The following PCIF1 variants were observed in gnomAD, a reference collection of about 807,000 sequenced individuals.
PCIF1 encodes the protein mRNA (2'-O-methyladenosine-N(6)-)-methyltransferase.
PCIF1 carries 12 observed loss-of-function variants against 86.9 expected under a neutral mutation model. The observed-to-expected ratio is 0.14, with a 90% CI of 0.09 to 0.22. The LOEUF (loss-of-function observed/expected upper bound fraction) is 0.22. Ranked by LOEUF, PCIF1 falls within the 10% of genes least tolerant of loss-of-function variation. The pLI is 1.00. For missense variants in PCIF1, 701 were observed against 951.1 expected (o/e 0.74, Z 3.46); for synonymous variants, 397 against 372.0 (o/e 1.07, Z -0.77).
In PCIF1 at chr20:45,943,078, C is replaced by T. The variant is rs201864490; in HGVS notation, c.674-19C>T. ...TGCTTGATTAAATCCAGGCCTTCAG[C>T]AGCTCTCCTGTCCTGCAGGCATTGA... On this transcript the variant is annotated intron_variant, in intron 7 of 16. Coordinates refer to ENST00000372409, the MANE Select transcript of PCIF1 (RefSeq NM_022104.4). This position sits in a 1 kb window ranked among gnomAD's most constrained non-coding sequence, Gnocchi z 5.5. 1,848 of 1,610,358 alleles carry T rather than the reference C, an allele frequency of 1.1e-3. 30 individuals are homozygous for T. The South Asian group carries it at 0.014, about 12-fold the overall frequency.
chr20:45,936,411 G>C (rs1281212628), intron 1 of PCIF1, among the ~76,000 whole-genome samples: 2 of 143,738 alleles, frequency 1.4e-5, no homozygotes, highest in East Asian at 4.1e-4. Flanking sequence ...GGATGGTCCC[G>C]ATCTCCTGAC....
chr20:45,946,457 G>A, intron 14 of PCIF1, 73 bp downstream of exon 14: 1 of 1,524,258 alleles, frequency 6.6e-7, no homozygotes, highest in Admixed American at 1.7e-5. Context: ...CGCCTCTGCT[G>A]GCTGTAGTGT....
intron 1 of PCIF1, 119 bp downstream of exon 1, chr20:45,934,923 C>G (rs999536819): frequency 3.5e-5 from 14 of 396,432 alleles, no homozygotes; most frequent in Admixed American, 8.8e-5. Flanking sequence ...TGCCCTGTCT[C>G]TGTTGCCGCC....
At chr20:45,942,554 A>G (rs1376760891) in intron 7 of PCIF1, among the ~76,000 whole-genome samples, 1 of 151,580 alleles carries the variant, frequency 6.6e-6, no homozygotes, top group Non-Finnish European at 1.5e-5. Context: ...ACCTCAGGTG[A>G]TCCACCCATC....
Position 45,947,739 on chromosome 20 carries a change from A to G in PCIF1, c.2099A>G (p.Glu700Gly), listed in dbSNP as rs775264425. ...GGCCGTGAGCAGGGTCCTAGCCGCG[A>G]GCCTCACCCCACTTAACATATCCTG... ...DSGREQGPSREPHPT is the reference protein window; with the variant it reads ...DSGREQGPSRGPHPT Residue 700 changes from glutamate (E) to glycine (G), a missense_variant, in exon 17 of 17, where the codon GAG becomes GGG. Coordinates refer to ENST00000372409, the MANE Select transcript of PCIF1 (RefSeq NM_022104.4). This position sits in a 1 kb window ranked among gnomAD's most constrained non-coding sequence, Gnocchi z 5.4. The G allele has an allele frequency of 6.2e-7, 1 of 1,600,566 alleles. No homozygotes were observed. The highest frequency in any genetic ancestry group is 8.5e-7 in the Non-Finnish European group (1 of 1,172,884).
In PCIF1 at chr20:45,941,126, C is replaced by T. The variant is rs541723930; in HGVS notation, c.592C>T (p.His198Tyr). 4 of 1,614,226 alleles carry T rather than the reference C, an allele frequency of 2.5e-6. No homozygotes were observed. The South Asian group carries it at 3.3e-5, about 13-fold the overall frequency. The change falls in exon 7 of 17, where the codon CAT becomes TAT. Residue 198 changes from histidine (H) to tyrosine (Y), a missense_variant. His to Tyr is a moderately conservative substitution (Grantham distance 83). Around this residue, in one of 7 missense-constraint regions of PCIF1, gnomAD observed 129 missense variants for 245.9 expected, o/e 0.52. Coordinates refer to ENST00000372409, the MANE Select transcript of PCIF1 (RefSeq NM_022104.4). ...HRGPSEVLPP[H>Y]PEVELLRSQL... The stretch of plus-strand genomic sequence containing the variant: ...GGGGCCTTCAGAGGTGCTGCCCCCG[C>T]ATCCCGAAGTGGAACTGCTCCGCTC...
chr20:45,939,814 C>T (rs1463806094), intron 4 of PCIF1, among the ~76,000 whole-genome samples: 2 of 152,120 alleles, frequency 1.3e-5, no homozygotes, highest in East Asian at 1.9e-4. Flanking sequence ...GTCAGTACGA[C>T]GGGAAGTACA....
rs979221783 is a variant in PCIF1 at position 45,939,028 on chromosome 20, G to C, written c.29G>C (p.Arg10Pro). Residue 10 changes from arginine to proline, a missense_variant, in exon 3 of 17, where the codon CGG (arginine) becomes CCG (proline). By Grantham distance (103) the Arg-to-Pro change is moderately radical (BLOSUM62 -2). Coordinates refer to ENST00000372409, the MANE Select transcript of PCIF1 (RefSeq NM_022104.4). MANENHGSP[R>P]EEASLLSHSP... ...GCCAATGAGAATCACGGCAGCCCCC[G>C]GGAGGAAGCGTCCCTGCTGAGTCAC... 3.1e-6 allele frequency: 5 copies of C among 1,614,030 alleles called. No homozygotes were observed. The highest frequency in any genetic ancestry group is 4.2e-6 in the Non-Finnish European group (5 of 1,179,970).
At chr20:45,942,170 T>G (rs2083477057) in intron 7 of PCIF1, among the ~76,000 whole-genome samples, 1 of 148,170 alleles carries the variant, frequency 6.7e-6, no homozygotes, top group Non-Finnish European at 1.5e-5. Context: ...GAGATGGGGT[T>G]TCACCATGTT....
rs1239653186 is a variant in PCIF1, at chr20:45,940,429, T to A, written c.250-46T>A. ...TGAGGATTCAAAGTCCTGTGGCTCC[T>A]AAGCCGCTGGCCCTGGTTGCAACTC... On this transcript the variant is annotated intron_variant, in intron 4 of 16. Transcript: ENST00000372409. 1.9e-6 allele frequency: 3 copies of A among 1,545,466 alleles called. No individual in the cohort carries two copies. In the East Asian group the frequency reaches 7.1e-5, roughly 37 times the overall value.
At position 45,943,464 on chromosome 20, in the gene PCIF1, TA is replaced by T; in HGVS notation, c.905+44del. 6.3e-7 allele frequency: 1 copy of T among 1,582,622 alleles called. No homozygotes were observed. Among genetic ancestry groups the T allele is most frequent in the South Asian group, 1.1e-5 (1 of 90,238 alleles). The stretch of plus-strand genomic sequence containing the variant: ...GCCCCAGGCGAGATGGGTCTGTGAT[TA>T]AAGTGGCAGGTCATAGGCCATCTTG... On this transcript the variant is annotated intron_variant, in intron 9 of 16. Transcript: ENST00000372409. This position sits in a 1 kb window ranked among gnomAD's most constrained non-coding sequence, Gnocchi z 5.5.
In PCIF1 at chr20:45,945,035, G is replaced by A. The variant is rs2083509759; in HGVS notation, c.1168+5G>A. 6.2e-7 allele frequency: 1 copy of A among 1,602,682 alleles called. No homozygotes were observed. Among genetic ancestry groups the A allele is most frequent in the African/African-American group, 1.3e-5 (1 of 74,786 alleles). On this transcript the variant is annotated splice_donor_5th_base_variant and intron_variant, in intron 11 of 16. Coordinates refer to ENST00000372409, the MANE Select transcript of PCIF1 (RefSeq NM_022104.4). ...TCAAGGAAAACAACATCTCAGGTAG[G>A]GGAAAGGTGAAGGAGGAGCCAGCTG... is the stretch of plus-strand genomic sequence containing the variant.
intron 7 of PCIF1, among the ~76,000 whole-genome samples, chr20:45,942,037 G>C (rs73622633): frequency 6.9e-6 from 1 of 144,048 alleles, no homozygotes; most frequent in Non-Finnish European, 1.5e-5. Flanking sequence ...GTGCAATGGC[G>C]TGATCTCGGC....
chr20:45,946,405 C>T lies in PCIF1; in HGVS notation c.1613+21C>T, dbSNP rs199566714. 25 of 1,609,248 alleles carry T rather than the reference C, an allele frequency of 1.6e-5. No homozygotes were observed. In the Admixed American group the frequency reaches 4.2e-4, roughly 27 times the overall value. On this transcript the variant is annotated intron_variant, in intron 14 of 16. Coordinates refer to ENST00000372409, the MANE Select transcript of PCIF1 (RefSeq NM_022104.4). ...CGCGGGTGAGGGCCAAGGGCTGCCC[C>T]TCTACCCAGGCCAGGGAAGAGGTCC...
Position 45,943,252 on chromosome 20 carries a change from TC to T in PCIF1, c.821+10del, listed in dbSNP as rs761852756. 6.2e-6 allele frequency: 10 copies of T among 1,614,048 alleles called. No individual in the cohort carries two copies. The African/African-American group carries it at 1.3e-4, about 22-fold the overall frequency. ...GAACGACATTCCTATCAGGTACAGCTCCACAGCTGGGGATGACCCTGGGCCA... is the reference window on the plus strand; with the variant it reads ...GAACGACATTCCTATCAGGTACAGCTCACAGCTGGGGATGACCCTGGGCCA... On this transcript the variant is annotated intron_variant, in intron 8 of 16. Coordinates refer to ENST00000372409, the MANE Select transcript of PCIF1 (RefSeq NM_022104.4). This position sits in a 1 kb window ranked among gnomAD's most constrained non-coding sequence, Gnocchi z 5.5.
At position 45,944,911 on chromosome 20, in the gene PCIF1, C is replaced by T. The variant is rs200586895; in HGVS notation, c.1049C>T (p.Ser350Leu). ...CGGAGGCAGTGTGGCCCCCACGTCT[C>T]GGCCGCAGCCAAGGACTCCGTGGAA... Reference protein sequence around the residue: ...HLRRQCGPHVSAAAKDSVEGI... With the variant: ...HLRRQCGPHVLAAAKDSVEGI... Residue 350 changes from serine to leucine, a missense_variant, in exon 11 of 17, where the codon TCG (serine) becomes TTG (leucine). By Grantham distance (145) the Ser-to-Leu change is moderately radical. This residue lies in a region of PCIF1 where 129 missense variants were observed against 245.9 expected (regional missense o/e 0.52). Coordinates refer to ENST00000372409, the MANE Select transcript of PCIF1 (RefSeq NM_022104.4). 127 of 1,614,118 alleles carry T rather than the reference C, an allele frequency of 7.9e-5. No individual in the cohort carries two copies. The highest frequency in any genetic ancestry group is 6.6e-4 in the Middle Eastern group (4 of 6,060).
rs752505018 is a variant in PCIF1, at chr20:45,947,131, G to A, written c.1672G>A (p.Glu558Lys). 1.1e-5 allele frequency: 18 copies of A among 1,613,474 alleles called. No homozygotes were observed. The highest frequency in any genetic ancestry group is 1.0e-4 in the Admixed American group (6 of 59,974). Residue 558 changes from glutamate to lysine, a missense_variant, in exon 15 of 17, where the codon GAG becomes AAG. By Grantham distance (56) the Glu-to-Lys change is moderately conservative. This residue lies in a region of PCIF1 where 174 missense variants were observed against 206.9 expected (regional missense o/e 0.84). Transcript: ENST00000372409. This position sits in a 1 kb window ranked among gnomAD's most constrained non-coding sequence, Gnocchi z 5.4. Reference sequence around the variant, plus strand: ...ATTTGAGGCCAACCCTCCCTTCTGCGAGGAGCTCATGGATGCCATGGTCTC... The same window carrying A: ...ATTTGAGGCCAACCCTCCCTTCTGCAAGGAGCTCATGGATGCCATGGTCTC... ...GSFEANPPFC[E>K]ELMDAMVSHF...
chr20:45,943,612 TGAG>T lies in PCIF1; in HGVS notation c.906-49_906-47del. The T allele has an allele frequency of 6.7e-7, 1 of 1,497,320 alleles. No individual in the cohort carries two copies. The highest frequency in any genetic ancestry group is 9.1e-7 in the Non-Finnish European group (1 of 1,098,804). The allele number at this position is 1,497,320 out of a possible 1,614,324, so 92.8% of individuals were successfully genotyped here. ...ACCCAGCGAGCCCATGGAATTGGGA[TGAG>T]GAGGGTGGAGCCAAGCCATTCCTTT... On this transcript the variant is annotated intron_variant, in intron 9 of 16. Coordinates refer to ENST00000372409, the MANE Select transcript of PCIF1 (RefSeq NM_022104.4). This position sits in a 1 kb window ranked among gnomAD's most constrained non-coding sequence, Gnocchi z 5.5.
In PCIF1 at chr20:45,937,833, C is replaced by T. The variant is rs571273666; in HGVS notation, c.-20+248C>T. ...TTTTCCCTTCCTAAATTAAGGAAGA[C>T]GTCTATGATGGAGTGTACAATAAAA... On this transcript the variant is annotated intron_variant, in intron 2 of 16. Transcript: ENST00000372409. 10 of 355,940 alleles carry T rather than the reference C, an allele frequency of 2.8e-5. No individual in the cohort carries two copies. In the East Asian group the frequency reaches 2.9e-4, roughly 10 times the overall value. 22.0% of individuals were successfully genotyped at this position (355,940 alleles called of 1,614,324 possible). A position where few individuals can be genotyped will look rare whatever the true frequency, so the allele number is the denominator to read the frequency against.
Sources: gnomAD v4.1 joint callset for allele counts (sites outside exome capture counted in the v4.1 genomes callset) on GRCh38, gnomAD v4.1.1 for gene constraint, gnomAD v4.1.1 regional missense constraint, Gnocchi (gnomAD v3.1) non-coding constraint, MANE v1.5 for transcripts, NCBI Gene and HGNC (gene_info 2026-07-23, HGNC 2026-07-21) for gene names.